The following STXBP5L variants were observed in gnomAD, a reference collection of about 807,000 sequenced individuals.
STXBP5L encodes the protein syntaxin binding protein 5L.
Under a neutral mutation model 144.5 loss-of-function variants are expected in STXBP5L, and 65 were observed. The observed-to-expected ratio is 0.45, with a 90% CI of 0.37 to 0.55. STXBP5L has a LOEUF of 0.55. Ranked by LOEUF, STXBP5L falls within the 20% of genes least tolerant of loss-of-function variation. The pLI, the probability that STXBP5L is intolerant of heterozygous loss-of-function variation, is 0.00. For synonymous variants in STXBP5L, 505 were observed against 469.6 expected (o/e 1.08, Z -0.97); for missense variants, 1,298 against 1,405.5 (o/e 0.92, Z 1.22).
chr3:121,162,732 TCAAA>T (rs1448379243), intron 9 of STXBP5L, among the ~76,000 whole-genome samples: 17 of 151,606 alleles, frequency 1.1e-4, no homozygotes, highest in Admixed American at 7.2e-4. Flanking sequence ...AAGAAAAAAA[TCAAA>T]CAACCCCATC....
chr3:121,059,417 G>A (rs1948670265), intron 5 of STXBP5L, among the ~76,000 whole-genome samples: 1 of 152,098 alleles, frequency 6.6e-6, no homozygotes, highest in Admixed American at 6.5e-5. Context: ...GGTGCCTCCA[G>A]CTTTGTTCTT....
At chr3:121,187,715 C>A (rs1559841055) in intron 9 of STXBP5L, among the ~76,000 whole-genome samples, 1 of 151,902 alleles carries the variant, frequency 6.6e-6, no homozygotes, top group East Asian at 1.9e-4. Context: ...TGTAAATGGG[C>A]TAAATGTCCC....
intron 20 of STXBP5L, among the ~76,000 whole-genome samples, chr3:121,354,734 A>T (rs1004814021): frequency 6.6e-6 from 1 of 152,084 alleles, no homozygotes; most frequent in Admixed American, 6.6e-5. Context: ...TCCTGTCATT[A>T]TGATGTTAGC....
At chr3:121,052,876 C>A (rs1475789405) in intron 5 of STXBP5L, among the ~76,000 whole-genome samples, 1 of 152,178 alleles carries the variant, frequency 6.6e-6, no homozygotes, top group African/African-American at 2.4e-5. Flanking sequence ...TCTCCTTAAG[C>A]TGATAAGCAA....
At chr3:121,343,727 C>T (rs2044829128) in intron 20 of STXBP5L, among the ~76,000 whole-genome samples, 1 of 152,072 alleles carries the variant, frequency 6.6e-6, no homozygotes, top group South Asian at 2.1e-4. Context: ...AACTACAAAT[C>T]ACTGCTCAAG....
At chr3:121,352,599 T>A (rs992961590) in intron 20 of STXBP5L, among the ~76,000 whole-genome samples, 1 of 152,138 alleles carries the variant, frequency 6.6e-6, no homozygotes, top group Non-Finnish European at 1.5e-5. Flanking sequence ...CAATGGGGTT[T>A]TCTAAATATA....
At chr3:121,249,807 T>C (rs1279977013) in intron 14 of STXBP5L, among the ~76,000 whole-genome samples, 1 of 152,150 alleles carries the variant, frequency 6.6e-6, no homozygotes, top group Non-Finnish European at 1.5e-5. Flanking sequence ...TTATTATGTA[T>C]GTTAGGAGAT....
At chr3:121,020,949 T>G (rs1183794166) in intron 3 of STXBP5L, among the ~76,000 whole-genome samples, 1 of 151,912 alleles carries the variant, frequency 6.6e-6, no homozygotes, top group Non-Finnish European at 1.5e-5. Flanking sequence ...AATGGCCTAA[T>G]TTCTCCACTT....
rs72966774 is a variant in STXBP5L at position 120,984,073 on chromosome 3, A to G, written c.287+29036A>G. On this transcript the variant is annotated intron_variant, in intron 3 of 26. Coordinates refer to ENST00000471454, the MANE Select transcript of STXBP5L (RefSeq NM_001308330.2). ...CTAGTTCACCCCGGATGATTCAGCCACTCCACTCTCAGTGGTTCCCATGGG... is the reference window on the plus strand; with the variant it reads ...CTAGTTCACCCCGGATGATTCAGCCGCTCCACTCTCAGTGGTTCCCATGGG... Among the ~76,000 whole-genome samples, 378 of 151,166 alleles carry G rather than the reference A, an allele frequency of 2.5e-3. 2 individuals are homozygous for G. Among genetic ancestry groups the G allele is most frequent in the African/African-American group, 8.6e-3 (355 of 41,180 alleles).
chr3:120,909,389 T>C (rs951806706), intron 1 of STXBP5L, among the ~76,000 whole-genome samples, 182 bp from the exon 2 acceptor site: 3 of 152,200 alleles, frequency 2.0e-5, no homozygotes, highest in Non-Finnish European at 2.9e-5. Context: ...TTAAAAAGGA[T>C]ATGCTTTTTA....
intron 5 of STXBP5L, among the ~76,000 whole-genome samples, chr3:121,048,232 G>A (rs945636044): frequency 1.3e-5 from 2 of 151,942 alleles, no homozygotes; most frequent in African/African-American, 4.8e-5. Context: ...AGCCTGATGG[G>A]GTTTCCTTTG....
chr3:120,926,491 T>C (rs547989191), intron 2 of STXBP5L, among the ~76,000 whole-genome samples: 1 of 152,274 alleles, frequency 6.6e-6, no homozygotes, highest in African/African-American at 2.4e-5. Context: ...TCTCTGTCTT[T>C]GACTATTGAG....
chr3:121,239,186 T>C, intron 13 of STXBP5L, 68 bp downstream of exon 13: 1 of 938,984 alleles, frequency 1.1e-6, no homozygotes. Flanking sequence ...TTTCCATTAC[T>C]TTATTTTCTT....
chr3:120,992,612 C>A (rs1943013557), intron 3 of STXBP5L, among the ~76,000 whole-genome samples: 1 of 152,078 alleles, frequency 6.6e-6, no homozygotes, highest in African/African-American at 2.4e-5. Flanking sequence ...TCTATCCATG[C>A]TGCTGCAAAT....
chr3:121,312,827 C>T (rs1270479383), intron 19 of STXBP5L, among the ~76,000 whole-genome samples: 1 of 152,124 alleles, frequency 6.6e-6, no homozygotes, highest in Non-Finnish European at 1.5e-5. Flanking sequence ...TTTCCTAGTA[C>T]AGAACAAAAT....
intron 3 of STXBP5L, among the ~76,000 whole-genome samples, chr3:120,996,210 A>G (rs1943334435): frequency 6.6e-6 from 1 of 152,110 alleles, no homozygotes; most frequent in East Asian, 1.9e-4. Context: ...AAGCTTAATT[A>G]TGATGTGCCT....
rs550705770 is a variant in STXBP5L at position 121,085,633 on chromosome 3, C to T, written c.471-29292C>T. 2.0e-5 allele frequency among the ~76,000 whole-genome samples: 3 copies of T among 152,122 alleles called. No homozygotes were observed. The South Asian group carries it at 6.2e-4, about 32-fold the overall frequency. The stretch of plus-strand genomic sequence containing the variant: ...ATAGCTAACAAGGGAAGTCAAGGAG[C>T]ACTTCAAGAACTACAAACCACTGCT... On this transcript the variant is annotated intron_variant, in intron 5 of 26. Transcript: ENST00000471454.
chr3:120,988,738 G>T (rs1003939835), intron 3 of STXBP5L, among the ~76,000 whole-genome samples: 1 of 152,026 alleles, frequency 6.6e-6, no homozygotes, highest in Non-Finnish European at 1.5e-5. Flanking sequence ...GTAGTGGTTT[G>T]CCTAGGCTTT....
intron 7 of STXBP5L, among the ~76,000 whole-genome samples, chr3:121,131,984 G>GGA (rs1164785095): frequency 6.6e-6 from 1 of 152,138 alleles, no homozygotes; most frequent in Non-Finnish European, 1.5e-5. Flanking sequence ...ATATGGTCAA[G>GGA]GAGAGATTTC....
Sources: allele counts gnomAD v4.1 joint callset (sites outside exome capture counted in the v4.1 genomes callset), GRCh38; gene constraint gnomAD v4.1.1; transcripts MANE v1.5; gene names NCBI Gene and HGNC (gene_info 2026-07-23, HGNC 2026-07-21).